GUCY1A2: variants seen among roughly 807,000 people sequenced by gnomAD.
GUCY1A2 encodes guanylate cyclase soluble subunit alpha-2.
In GUCY1A2, 27 loss-of-function variants were observed where a neutral mutation model predicts 63.5. That is an observed-to-expected ratio of 0.43 (90% CI 0.31 to 0.59). GUCY1A2 has a LOEUF of 0.59. Among genes scored for constraint, GUCY1A2 ranks in the 20% least tolerant of loss-of-function variants. The pLI, the probability that GUCY1A2 is intolerant of heterozygous loss-of-function variation, is 0.11. For missense variants in GUCY1A2, 768 were observed against 913.3 expected, an observed-to-expected ratio of 0.84 and a Z score of 2.05; for synonymous variants, 364 against 343.5, an observed-to-expected ratio of 1.06 and a Z score of -0.66.
intron 1 of GUCY1A2, among the ~76,000 whole-genome samples, chr11:107,004,173 G>A (rs1235242693): frequency 1.3e-5 from 2 of 152,120 alleles, no homozygotes; most frequent in East Asian, 3.9e-4. Context: ...GGGCATCTAG[G>A]CAGTGAATCA....
chr11:106,857,954 TAAG>T (rs1434115986), intron 4 of GUCY1A2, among the ~76,000 whole-genome samples: 1 of 152,150 alleles, frequency 6.6e-6, no homozygotes, highest in African/African-American at 2.4e-5. Flanking sequence ...TCCAGGACTT[TAAG>T]AAGGAAAAGT....
At chr11:106,693,733 A>G (rs1373695700) in intron 7 of GUCY1A2, among the ~76,000 whole-genome samples, 2 of 152,132 alleles carry the variant, frequency 1.3e-5, no homozygotes, top group African/African-American at 2.4e-5. Context: ...TTCCCAACAC[A>G]TAAAGAATTT....
intron 6 of GUCY1A2, among the ~76,000 whole-genome samples, chr11:106,754,715 A>G (rs940208360): frequency 2.0e-5 from 3 of 152,212 alleles, no homozygotes; most frequent in African/African-American, 4.8e-5. Flanking sequence ...TGACTTGATC[A>G]TGGTGGATAA....
intron 4 of GUCY1A2, among the ~76,000 whole-genome samples, chr11:106,853,525 A>T (rs1037077831): frequency 2.0e-5 from 3 of 151,808 alleles, no homozygotes; most frequent in African/African-American, 7.3e-5. Context: ...ATCTATGTCA[A>T]ATTTCTCATT....
At chr11:106,901,402 T>C (rs951390067) in intron 4 of GUCY1A2, among the ~76,000 whole-genome samples, 1 of 152,176 alleles carries the variant, frequency 6.6e-6, no homozygotes, top group African/African-American at 2.4e-5. Context: ...CTTCCAAATT[T>C]CTGTTAATAT....
chr11:106,838,653 G>A lies in GUCY1A2; in HGVS notation c.1207-28175C>T, dbSNP rs532832768. Among the ~76,000 whole-genome samples the A allele has an allele frequency of 7.2e-5, 11 of 151,800 alleles. No homozygotes were observed. The South Asian group carries it at 1.7e-3, about 23-fold the overall frequency. The stretch of plus-strand genomic sequence containing the variant: ...ATATACAAATTTTCTGGGTTTCTTC[G>A]TGATTTGAAAAATGTCATTCTAACT... On this transcript the variant is annotated intron_variant, in intron 4 of 7. Transcript: ENST00000526355.
At chr11:106,909,581 A>T (rs978041851) in intron 4 of GUCY1A2, among the ~76,000 whole-genome samples, 1 of 151,858 alleles carries the variant, frequency 6.6e-6, no homozygotes, top group Non-Finnish European at 1.5e-5. Context: ...TTAATTTAAA[A>T]AATGTTATAT....
intron 4 of GUCY1A2, among the ~76,000 whole-genome samples, chr11:106,874,214 C>T (rs1859718656): frequency 6.6e-6 from 1 of 152,146 alleles, no homozygotes; most frequent in South Asian, 2.1e-4. Context: ...CTCTCCCACA[C>T]AGCTGGATGT....
intron 5 of GUCY1A2, among the ~76,000 whole-genome samples, chr11:106,778,302 C>T (rs1864396132): frequency 6.6e-6 from 1 of 152,200 alleles, no homozygotes. Flanking sequence ...TCTCAAAGAA[C>T]TAATCCTTTC....
chr11:107,013,030 T>C (rs1861770205), intron 1 of GUCY1A2, among the ~76,000 whole-genome samples: 1 of 152,208 alleles, frequency 6.6e-6, no homozygotes, highest in African/African-American at 2.4e-5. Flanking sequence ...ATTCTTTCCT[T>C]GACATGTATT....
At chr11:106,985,178 CCA>C (rs1348948138) in intron 2 of GUCY1A2, among the ~76,000 whole-genome samples, 3 of 152,162 alleles carry the variant, frequency 2.0e-5, no homozygotes, top group African/African-American at 7.2e-5. Flanking sequence ...TCAAGAAGTA[CCA>C]CAGTTTGAAT....
chr11:106,795,329 G>T (rs114273063), intron 5 of GUCY1A2, among the ~76,000 whole-genome samples: 45 of 152,236 alleles, frequency 3.0e-4, no homozygotes, highest in African/African-American at 1.0e-3. Flanking sequence ...AAATATGCCC[G>T]ACTGGATATG....
intron 6 of GUCY1A2, among the ~76,000 whole-genome samples, chr11:106,715,629 A>G (rs544499375): frequency 4.3e-4 from 66 of 152,236 alleles, no homozygotes; most frequent in Non-Finnish European, 6.9e-4. Context: ...AACACCAGAA[A>G]CCTTCCATCC....
chr11:106,932,262 C>T (rs367662189), intron 4 of GUCY1A2, among the ~76,000 whole-genome samples: 13 of 152,004 alleles, frequency 8.6e-5, no homozygotes, highest in African/African-American at 3.1e-4. Context: ...GCAAAATAAG[C>T]ACTTTAAGCC....
intron 2 of GUCY1A2, among the ~76,000 whole-genome samples, chr11:106,982,256 G>GA (rs1165706193): frequency 1.3e-5 from 2 of 152,034 alleles, no homozygotes; most frequent in South Asian, 2.1e-4. Flanking sequence ...AATTATATCA[G>GA]AAAAAAAGTA....
intron 6 of GUCY1A2, among the ~76,000 whole-genome samples, chr11:106,721,479 A>C (rs566930608): frequency 1.4e-3 from 211 of 152,372 alleles, no homozygotes; most frequent in South Asian, 3.9e-3. Context: ...CAAGTGTTAG[A>C]AATGAGTCAA....
chr11:106,998,289 G>A (rs1273665814), intron 1 of GUCY1A2, among the ~76,000 whole-genome samples: 3 of 152,112 alleles, frequency 2.0e-5, no homozygotes, highest in African/African-American at 4.8e-5. Flanking sequence ...GAGAGAGAGA[G>A]GGTGAAAGGA....
Position 106,776,544 on chromosome 11 carries a change from C to A in GUCY1A2, c.1731G>T (p.Gly577=). Residue 577 remains glycine (G), a synonymous_variant, in exon 6 of 8, where the codon GGG becomes GGT. Coordinates refer to ENST00000526355, the MANE Select transcript of GUCY1A2 (RefSeq NM_000855.3). ...CATGGCAGAGGCTTTTTCTGTGGAG[C>A]CCTGCTGCAACACAGTAGGCATCAC... ...TIGDAYCVAA[G]LHRKSLCHAK... is the part of the protein sequence containing the mutation. 1 of 1,613,368 alleles carries A rather than the reference C, an allele frequency of 6.2e-7. No individual in the cohort carries two copies. The highest frequency in any genetic ancestry group is 8.5e-7 in the Non-Finnish European group (1 of 1,179,298).
chr11:106,896,766 T>G (rs1183678893), intron 4 of GUCY1A2, among the ~76,000 whole-genome samples: 1 of 152,198 alleles, frequency 6.6e-6, no homozygotes, highest in Non-Finnish European at 1.5e-5. Flanking sequence ...ACACCAATCC[T>G]GCCACTGTCT....
Sources: allele counts gnomAD v4.1 joint callset (sites outside exome capture counted in the v4.1 genomes callset), GRCh38; gene constraint gnomAD v4.1.1; transcripts MANE v1.5; gene names NCBI Gene and HGNC (gene_info 2026-07-23, HGNC 2026-07-21).